WDR77: variants seen among roughly 807,000 people sequenced by gnomAD.
WDR77 encodes methylosome protein WDR77.
WDR77 carries 31 observed loss-of-function variants against 44.0 expected under a neutral mutation model. That is an observed-to-expected ratio of 0.70 (90% CI 0.53 to 0.95). The LOEUF (loss-of-function observed/expected upper bound fraction) is 0.95. Among genes scored for constraint, WDR77 ranks in the 40% least tolerant of loss-of-function variants. The pLI is 0.00. For synonymous variants in WDR77, 186 were observed against 165.7 expected (o/e 1.12, Z -0.94); for missense variants, 390 against 423.9 (o/e 0.92, Z 0.70).
At chr1:111,445,467 A>G (rs1214711495) in intron 4 of WDR77, among the ~76,000 whole-genome samples, 2 of 152,208 alleles carry the variant, frequency 1.3e-5, no homozygotes, top group Non-Finnish European at 2.9e-5. Flanking sequence ...CTCTACCCTC[A>G]AAGGTTTTGG....
intron 8 of WDR77, 46 bp downstream of exon 8, chr1:111,442,607 G>A (rs1264902): frequency 3.8e-6 from 5 of 1,332,058 alleles, no homozygotes; most frequent in Non-Finnish European, 5.1e-6. Context: ...ACACCCTCAC[G>A]GTTCCCATTT....
intron 4 of WDR77, 78 bp from the exon 5 acceptor site, chr1:111,444,202 AG>A: frequency 1.1e-5 from 15 of 1,401,924 alleles, no homozygotes; most frequent in Non-Finnish European, 1.4e-5. Flanking sequence ...GGAATAATCA[AG>A]GGGCAGGAGG....
At chr1:111,448,587 G>C in intron 2 of WDR77, 32 bp downstream of exon 2, 5 of 1,612,172 alleles carry the variant, frequency 3.1e-6, no homozygotes, top group South Asian at 2.2e-5. Context: ...TTCCACCCGG[G>C]GGTGGGGGTG....
chr1:111,447,269 T>C, intron 3 of WDR77, 125 bp from the exon 4 acceptor site: 1 of 1,464,598 alleles, frequency 6.8e-7, no homozygotes, highest in Non-Finnish European at 9.4e-7. Flanking sequence ...GCTGCTATGG[T>C]CTACTTACGA....
chr1:111,441,989 T>G, intron 9 of WDR77, 36 bp downstream of exon 9: 2 of 1,600,154 alleles, frequency 1.2e-6, no homozygotes, highest in Non-Finnish European at 1.7e-6. Context: ...ACTGCTCCCC[T>G]TCCCTGATTC....
At chr1:111,442,114 T>C (rs565874823) in intron 8 of WDR77, 21 bp from the exon 9 acceptor site, 1 of 1,611,468 alleles carries the variant, frequency 6.2e-7, no homozygotes, top group Non-Finnish European at 8.5e-7. Context: ...GAGGAGAGGG[T>C]TGTGAAAGGT....
In WDR77 at chr1:111,441,338, C is replaced by T. The variant is rs754508488; in HGVS notation, c.921G>A (p.Pro307=). ...CTGTGGTAAGCAGGGAGTGATTGAGCGGGGACCAAGTCGCATCTCTCACAA... is the reference window on the plus strand; with the variant it reads ...CTGTGGTAAGCAGGGAGTGATTGAGTGGGGACCAAGTCGCATCTCTCACAA... The part of the protein sequence containing the change: ...RDFVRDATWS[P]LNHSLLTTVG... Residue 307 remains proline, a synonymous_variant, in exon 10 of 10, where the codon CCG becomes CCA. Coordinates refer to ENST00000235090, the MANE Select transcript of WDR77 (RefSeq NM_024102.4). The T allele has an allele frequency of 3.5e-5, 55 of 1,569,862 alleles. No individual in the cohort carries two copies. The highest frequency in any genetic ancestry group is 4.6e-5 in the Non-Finnish European group (53 of 1,155,084).
At chr1:111,444,540 TTC>T (rs1332864647) in intron 4 of WDR77, among the ~76,000 whole-genome samples, 1 of 152,180 alleles carries the variant, frequency 6.6e-6, no homozygotes, top group Non-Finnish European at 1.5e-5. Context: ...TTCTCTAATG[TTC>T]TCTTTCTTAA....
intron 7 of WDR77, 123 bp downstream of exon 7, chr1:111,443,200 T>A: frequency 1.2e-6 from 1 of 845,062 alleles, no homozygotes; most frequent in Non-Finnish European, 1.8e-6. Context: ...CAATTCATAA[T>A]TCATCTAGTG....
At chr1:111,446,614 T>C (rs754217650) in intron 4 of WDR77, among the ~76,000 whole-genome samples, 4 of 152,124 alleles carry the variant, frequency 2.6e-5, no homozygotes, top group African/African-American at 4.8e-5. Flanking sequence ...CCACTGCCTG[T>C]GTAAGGTAAA....
In WDR77 at chr1:111,441,261, G is replaced by C. The variant is rs779616447; in HGVS notation, c.998C>G (p.Pro333Arg). Residue 333 changes from proline (P) to arginine (R), a missense_variant, in exon 10 of 10, where the codon CCA becomes CGA. Pro to Arg is a moderately radical substitution (Grantham distance 103, BLOSUM62 -2). Transcript: ENST00000235090. ...VHHVVPTEPL[P>R]APGPASVTE ...AGTAACACTTGCAGGTCCAGGGGCT[G>C]GGAGAGGTTCTGTGGGCACAACGTG... 1.3e-6 allele frequency: 2 copies of C among 1,576,142 alleles called. No individual in the cohort carries two copies. The highest frequency in any genetic ancestry group is 1.7e-6 in the Non-Finnish European group (2 of 1,160,762).
At chr1:111,446,927 G>C (rs1451575425) in intron 4 of WDR77, 168 bp downstream of exon 4, 2 of 677,096 alleles carry the variant, frequency 3.0e-6, no homozygotes, top group African/African-American at 3.6e-5. Context: ...AAGAAAGAAA[G>C]AAACAAGGAA....
chr1:111,443,847 C>T lies in WDR77; in HGVS notation c.619+20G>A. ...CAGGGTTCCAAGTACTATTCTCCCA[C>T]CAATGAATCTCAGACTCACCAATCT... On this transcript the variant is annotated intron_variant, in intron 6 of 9. Coordinates refer to ENST00000235090, the MANE Select transcript of WDR77 (RefSeq NM_024102.4). 2 of 1,614,008 alleles carry T rather than the reference C, an allele frequency of 1.2e-6. No individual in the cohort carries two copies. Among genetic ancestry groups the T allele is most frequent in the Non-Finnish European group, 1.7e-6 (2 of 1,179,912 alleles).
Position 111,442,671 on chromosome 1 carries a change from A to C in WDR77, c.782T>G (p.Leu261Arg). 8 of 1,580,816 alleles carry C rather than the reference A, an allele frequency of 5.1e-6. No individual in the cohort carries two copies. Among genetic ancestry groups the C allele is most frequent in the Non-Finnish European group, 6.9e-6 (8 of 1,158,570 alleles). The change falls in exon 8 of 10, where the codon CTG (leucine) becomes CGG (arginine). Residue 261 changes from leucine (L) to arginine (R), a missense_variant. By Grantham distance (102) the Leu-to-Arg change is moderately radical. Coordinates refer to ENST00000235090, the MANE Select transcript of WDR77 (RefSeq NM_024102.4). ...SAVHSQCVTG[L>R]VFSPHSVPFL... ...ACAGTACCTGTGTGGGGAGAACACC[A>C]GCCCAGTGACACACTGGGAGTGTAC...
chr1:111,445,659 G>C (rs1652994417), intron 4 of WDR77, among the ~76,000 whole-genome samples: 1 of 151,976 alleles, frequency 6.6e-6, no homozygotes, highest in African/African-American at 2.4e-5. Context: ...CAAACACAAA[G>C]AACTAACAAA....
intron 4 of WDR77, among the ~76,000 whole-genome samples, chr1:111,445,069 T>C (rs557697804): frequency 6.6e-6 from 1 of 152,306 alleles, no homozygotes; most frequent in East Asian, 1.9e-4. Context: ...ACACAATAAA[T>C]TATATGCCAG....
At chr1:111,441,577 G>C (rs1394995798) in intron 9 of WDR77, 188 bp from the exon 10 acceptor site, 2 of 1,296,364 alleles carry the variant, frequency 1.5e-6, no homozygotes, top group African/African-American at 3.0e-5. Context: ...ATCCAATCCA[G>C]TCTTCTATTT....
chr1:111,443,259 C>T (rs1652885275), intron 7 of WDR77, 64 bp downstream of exon 7: 1 of 1,476,500 alleles, frequency 6.8e-7, no homozygotes, highest in Non-Finnish European at 9.2e-7. Context: ...GTTGTGGAGT[C>T]AGCTCTTTCT....
At chr1:111,447,234 T>C (rs1006790242) in intron 3 of WDR77, 90 bp from the exon 4 acceptor site, 20 of 1,540,354 alleles carry the variant, frequency 1.3e-5, no homozygotes, top group Non-Finnish European at 1.8e-5. Flanking sequence ...TAATCAACAT[T>C]CCCCAAGTCT....
Sources: allele counts gnomAD v4.1 joint callset (sites outside exome capture counted in the v4.1 genomes callset), GRCh38; gene constraint gnomAD v4.1.1; transcripts MANE v1.5; gene names NCBI Gene and HGNC (gene_info 2026-07-23, HGNC 2026-07-21).